Variants in GARNL3 observed in about 807,000 individuals in gnomAD.
The protein encoded by GARNL3 is GTPase activating Rap/RanGAP domain like 3.
Under a neutral mutation model 125.0 loss-of-function variants are expected in GARNL3, and 63 were observed. The ratio of observed to expected loss-of-function variants is 0.50; its 90% CI spans 0.41 to 0.62. The LOEUF is 0.62. Among genes scored for constraint, GARNL3 ranks in the 20% least tolerant of loss-of-function variants. The pLI is 0.00. For missense variants in GARNL3, 994 were observed against 1,244.0 expected, an observed-to-expected ratio of 0.80 and a Z score of 3.02; for synonymous variants, 439 against 457.5, an observed-to-expected ratio of 0.96 and a Z score of 0.52.
chr9:127,259,127 G>A (rs151138053), upstream of GARNL3, among the ~76,000 whole-genome samples: 1 of 152,204 alleles, frequency 6.6e-6, no homozygotes, highest in African/African-American at 2.4e-5. Flanking sequence ...CCCCTTGGGG[G>A]CTGGCTGACT....
chr9:127,333,146 T>C, intron 9 of GARNL3, 25 bp downstream of exon 9: 1 of 1,560,392 alleles, frequency 6.4e-7, no homozygotes, highest in South Asian at 1.1e-5. Context: ...TGATCTATTC[T>C]GTTGTAATTT....
intron 2 of GARNL3, among the ~76,000 whole-genome samples, chr9:127,246,853 T>C (rs559534325): frequency 5.9e-5 from 9 of 151,716 alleles, no homozygotes; most frequent in African/African-American, 2.2e-4. Flanking sequence ...AGTAACATCT[T>C]TGGGAACAGG....
upstream of GARNL3, among the ~76,000 whole-genome samples, chr9:127,263,507 A>T (rs188044222): frequency 2.7e-3 from 405 of 152,258 alleles, 2 homozygotes; most frequent in African/African-American, 9.1e-3. Context: ...CGGGCTTGGT[A>T]ACTGATATGT....
chr9:127,300,542 C>T (rs2064751250), intron 2 of GARNL3: 1 of 336,876 alleles, frequency 3.0e-6, no homozygotes, highest in South Asian at 2.5e-5. Context: ...GCAACCTCCA[C>T]CTCCCAGGTT....
chr9:127,227,274 G>A (rs138919396), intron 1 of GARNL3, among the ~76,000 whole-genome samples: 1 of 152,174 alleles, frequency 6.6e-6, no homozygotes, highest in Non-Finnish European at 1.5e-5. Context: ...TCAGCTGTAG[G>A]ATAATAATGA....
At chr9:127,232,116 T>C (rs995530250) in intron 1 of GARNL3, among the ~76,000 whole-genome samples, 1 of 152,062 alleles carries the variant, frequency 6.6e-6, no homozygotes, top group Non-Finnish European at 1.5e-5. Context: ...TCCCTGAGAG[T>C]GAAGTCAAAG....
chr9:127,289,766 G>A (rs1384961711), intron 1 of GARNL3, among the ~76,000 whole-genome samples: 1 of 152,232 alleles, frequency 6.6e-6, no homozygotes, highest in Non-Finnish European at 1.5e-5. Flanking sequence ...TGAGGGCAAA[G>A]GCTAGACCTC....
In GARNL3 at chr9:127,383,151, T is replaced by C. The variant is rs550415935; in HGVS notation, c.2162-287T>C. ...AAGTGAGTGTAATAATGGTATCTAC[T>C]TTGTGAAGTTCTACAGATTAAATGG... On this transcript the variant is annotated intron_variant, in intron 22 of 27. Transcript: ENST00000373387. 5.3e-5 allele frequency among the ~76,000 whole-genome samples: 8 copies of C among 152,354 alleles called. No homozygotes were observed. The East Asian group carries it at 1.5e-3, about 29-fold the overall frequency.
intron 26 of GARNL3, among the ~76,000 whole-genome samples, chr9:127,390,243 T>C (rs10987630): frequency 0.73 from 111,634 of 152,118 alleles, 41,818 homozygotes; most frequent in South Asian, 0.83. Flanking sequence ...TGGTGCCTTC[T>C]ACTGTGTTTT....
intron 13 of GARNL3, among the ~76,000 whole-genome samples, chr9:127,341,170 A>G (rs1014104806): frequency 4.6e-5 from 7 of 152,210 alleles, no homozygotes; most frequent in African/African-American, 1.7e-4. Flanking sequence ...CTCCCTCGAC[A>G]CATTAGAGGC....
Position 127,393,124 on chromosome 9 carries a change from C to G in GARNL3, c.2912C>G (p.Ala971Gly). Residue 971 changes from alanine to glycine, a missense_variant, in exon 28 of 28, where the codon GCC (alanine) becomes GGC (glycine). Ala to Gly is a moderately conservative substitution (Grantham distance 60). Around this residue, in one of 5 missense-constraint regions of GARNL3, gnomAD observed 728 missense variants for 865.7 expected, o/e 0.84. Coordinates refer to ENST00000373387, the MANE Select transcript of GARNL3 (RefSeq NM_032293.5). ...GSLESASTSE[A>G]NPEGHSASSD... ...TTGGAAAGTGCTTCTACTTCCGAAGCCAACCCTGAGGGGCACTCAGCCAGC... is the reference window on the plus strand; with the variant it reads ...TTGGAAAGTGCTTCTACTTCCGAAGGCAACCCTGAGGGGCACTCAGCCAGC... 6.2e-7 allele frequency: 1 copy of G among 1,609,054 alleles called. No individual in the cohort carries two copies. Among genetic ancestry groups the G allele is most frequent in the Non-Finnish European group, 8.5e-7 (1 of 1,175,770 alleles).
At chr9:127,327,622 C>A (rs2131546145) in intron 7 of GARNL3, among the ~76,000 whole-genome samples, 1 of 152,254 alleles carries the variant, frequency 6.6e-6, no homozygotes, top group African/African-American at 2.4e-5. Context: ...TGACTTCCAA[C>A]TCCTGGGTTC....
chr9:127,366,506 G>A (rs533282972), intron 22 of GARNL3, among the ~76,000 whole-genome samples: 1 of 152,318 alleles, frequency 6.6e-6, no homozygotes, highest in East Asian at 1.9e-4. Context: ...CATGGTAGAA[G>A]TCACTTCTGT....
At chr9:127,324,945 A>G (rs1029975070) in intron 6 of GARNL3, 124 bp from the exon 7 acceptor site, 10 of 1,008,096 alleles carry the variant, frequency 9.9e-6, no homozygotes, top group Non-Finnish European at 1.5e-5. Flanking sequence ...AGCTCCTATA[A>G]CCAACTTTTA....
rs751946755 is a variant in GARNL3, at chr9:127,335,339, T to C, written c.873+6T>C. 17 of 1,587,032 alleles carry C rather than the reference T, an allele frequency of 1.1e-5. No homozygotes were observed. Among genetic ancestry groups the C allele is most frequent in the Non-Finnish European group, 8.7e-7 (1 of 1,155,420 alleles). On this transcript the variant is annotated splice_donor_region_variant and intron_variant, in intron 10 of 27. Transcript: ENST00000373387. Reference sequence around the variant, plus strand: ...CCAAAGAGAACAAACAGCAGGTACATGTGAACATACAAACCATCAAATAGT... The same window carrying C: ...CCAAAGAGAACAAACAGCAGGTACACGTGAACATACAAACCATCAAATAGT...
intron 22 of GARNL3, among the ~76,000 whole-genome samples, chr9:127,373,840 AC>A (rs1281485585): frequency 6.6e-6 from 1 of 152,082 alleles, no homozygotes; most frequent in Admixed American, 6.5e-5. Flanking sequence ...TGCTGTCTCT[AC>A]TAAAATTACA....
intron 22 of GARNL3, among the ~76,000 whole-genome samples, chr9:127,369,564 C>A (rs1263271991): frequency 6.6e-6 from 1 of 152,164 alleles, no homozygotes; most frequent in African/African-American, 2.4e-5. Flanking sequence ...CACCTGTGCC[C>A]CTGCCAGAGC....
In GARNL3 at chr9:127,264,886, T is replaced by C; in HGVS notation, c.9T>C (p.Val3=). 6.3e-7 allele frequency: 1 copy of C among 1,580,544 alleles called. No individual in the cohort carries two copies. Among genetic ancestry groups the C allele is most frequent in the Non-Finnish European group, 8.6e-7 (1 of 1,160,120 alleles). MV[V]DFCRRFVARS... is the part of the protein sequence containing the mutation. ...AGCAGCCCTTTTTGCAAATGGTAGTTGATTTTTGCAGAAGGTTTGTGGCCA... is the reference window on the plus strand; with the variant it reads ...AGCAGCCCTTTTTGCAAATGGTAGTCGATTTTTGCAGAAGGTTTGTGGCCA... The change falls in exon 1 of 28, where the codon GTT becomes GTC. Residue 3 remains valine, a synonymous_variant. Coordinates refer to ENST00000373387, the MANE Select transcript of GARNL3 (RefSeq NM_032293.5).
chr9:127,256,768 G>T (rs984118880), intron 2 of GARNL3, among the ~76,000 whole-genome samples: 5 of 152,204 alleles, frequency 3.3e-5, no homozygotes, highest in Non-Finnish European at 7.3e-5. Flanking sequence ...CCCAGGGGCA[G>T]CATCTTGTGT....
Sources: gnomAD v4.1 joint callset for allele counts (sites outside exome capture counted in the v4.1 genomes callset) on GRCh38, gnomAD v4.1.1 for gene constraint, gnomAD v4.1.1 regional missense constraint, MANE v1.5 for transcripts, NCBI Gene and HGNC (gene_info 2026-07-23, HGNC 2026-07-21) for gene names.